The following EVL variants were observed in gnomAD, a reference collection of about 807,000 sequenced individuals.
EVL encodes ena/VASP-like protein.
Under a neutral mutation model 59.6 loss-of-function variants are expected in EVL, and 21 were observed. The observed-to-expected ratio is 0.35, with a 90% CI of 0.25 to 0.51. EVL has a LOEUF of 0.51. Among genes scored for constraint, EVL ranks in the 20% least tolerant of loss-of-function variants. The pLI is 0.97. For missense variants in EVL, 462 were observed against 546.6 expected, an observed-to-expected ratio of 0.85 and a Z score of 1.54; for synonymous variants, 198 against 203.5, an observed-to-expected ratio of 0.97 and a Z score of 0.23.
intron 1 of EVL, among the ~76,000 whole-genome samples, chr14:100,049,398 C>A (rs1316926148): frequency 6.6e-6 from 1 of 152,078 alleles, no homozygotes; most frequent in Non-Finnish European, 1.5e-5. Context: ...TCTAGGGAGG[C>A]CTTTTTTGTC....
At chr14:100,047,080 G>A (rs1480977884) in intron 1 of EVL, among the ~76,000 whole-genome samples, 1 of 135,646 alleles carries the variant, frequency 7.4e-6, no homozygotes, top group Non-Finnish European at 1.5e-5. Flanking sequence ...ACTCAGTTTT[G>A]CAGCCAATAT....
At chr14:100,051,284 C>T (rs928073558) in intron 1 of EVL, among the ~76,000 whole-genome samples, 9 of 152,202 alleles carry the variant, frequency 5.9e-5, no homozygotes, top group Non-Finnish European at 1.2e-4. Context: ...ATGCTGTCCA[C>T]GCTACCTGCT....
At chr14:100,131,559 C>G (rs1888437129) in intron 7 of EVL, among the ~76,000 whole-genome samples, 1 of 152,234 alleles carries the variant, frequency 6.6e-6, no homozygotes, top group African/African-American at 2.4e-5. Context: ...TTCAGCAGCA[C>G]TTTCACAGAC....
intron 1 of EVL, among the ~76,000 whole-genome samples, chr14:100,027,989 G>A (rs2061243010): frequency 6.6e-6 from 1 of 152,056 alleles, no homozygotes; most frequent in Admixed American, 6.6e-5. Context: ...TTCCTATCTG[G>A]ACCGTTGTGA....
intron 3 of EVL, among the ~76,000 whole-genome samples, chr14:100,110,204 T>A (rs1886872737): frequency 6.6e-6 from 1 of 152,140 alleles, no homozygotes; most frequent in Admixed American, 6.5e-5. Context: ...AAGACCCTTG[T>A]CTCTACAAAA....
chr14:100,112,468 C>T (rs777332651), intron 3 of EVL, among the ~76,000 whole-genome samples: 31 of 152,218 alleles, frequency 2.0e-4, no homozygotes, highest in Non-Finnish European at 4.0e-4. Flanking sequence ...AGGCTTAACT[C>T]AGAATATAGT....
chr14:100,067,703 C>T (rs888042915), intron 1 of EVL, among the ~76,000 whole-genome samples: 6 of 152,192 alleles, frequency 3.9e-5, no homozygotes, highest in African/African-American at 1.4e-4. Context: ...ACCTGTGCCT[C>T]CTGACCACAG....
At chr14:100,037,159 G>T (rs2061400816) in intron 1 of EVL, among the ~76,000 whole-genome samples, 1 of 152,152 alleles carries the variant, frequency 6.6e-6, no homozygotes. Context: ...ACTAAGATAG[G>T]TTTTTCTTTC....
At chr14:99,973,783 C>G (rs530824331) in intron 1 of EVL, among the ~76,000 whole-genome samples, 2 of 152,158 alleles carry the variant, frequency 1.3e-5, no homozygotes, top group African/African-American at 4.8e-5. Flanking sequence ...TATTAGAAAG[C>G]TTACATGTGT....
At chr14:100,089,645 G>T (rs1176387388) in intron 2 of EVL, among the ~76,000 whole-genome samples, 2 of 152,220 alleles carry the variant, frequency 1.3e-5, no homozygotes, top group Non-Finnish European at 2.9e-5. Context: ...TATGAGCCAG[G>T]CGCAGTGGCT....
At chr14:100,061,203 CAACA>C (rs2061822694), upstream of EVL, among the ~76,000 whole-genome samples, 1 of 151,648 alleles carries the variant, frequency 6.6e-6, no homozygotes, top group Non-Finnish European at 1.5e-5. Flanking sequence ...CCAGCCAGGG[CAACA>C]TGTTGAAACC....
intron 9 of EVL, 49 bp from the exon 10 acceptor site, chr14:100,137,518 TGGGGTGGCTAC>T: frequency 1.3e-6 from 2 of 1,559,840 alleles, no homozygotes; most frequent in Non-Finnish European, 8.8e-7. Context: ...TTTAGGGGAT[TGGGGTGGCTAC>T]TGAGTCCCTT....
At chr14:99,997,364 G>A (rs988142177) in intron 1 of EVL, among the ~76,000 whole-genome samples, 1 of 152,248 alleles carries the variant, frequency 6.6e-6, no homozygotes, top group African/African-American at 2.4e-5. Context: ...CTGAAGGGCA[G>A]GGAGGCAACC....
chr14:99,992,907 C>T (rs2060884797), intron 1 of EVL, among the ~76,000 whole-genome samples: 1 of 152,022 alleles, frequency 6.6e-6, no homozygotes, highest in African/African-American at 2.4e-5. Flanking sequence ...GTTTTGTTAT[C>T]ATGAAAGGGT....
At chr14:100,005,541 CAG>C (rs1467489890) in intron 1 of EVL, among the ~76,000 whole-genome samples, 1 of 150,306 alleles carries the variant, frequency 6.7e-6, no homozygotes, top group Non-Finnish European at 1.5e-5. Context: ...ATGAAGAAAA[CAG>C]AATTCAATCA....
intron 1 of EVL, among the ~76,000 whole-genome samples, chr14:100,016,597 AAAC>A (rs1055074281): frequency 1.9e-4 from 29 of 152,188 alleles, no homozygotes; most frequent in Non-Finnish European, 3.2e-4. Flanking sequence ...AAACAAACAA[AAAC>A]AACAACAACA....
rs769943517 is a variant in EVL at position 100,097,637 on chromosome 14, A to G, written c.337A>G (p.Ile113Val). ...FSNAMLFALN[I>V]MNSQEGGPSS... ...CAATGCAATGCTGTTTGCCCTGAACATCATGAATTCCCAAGAAGGAGGTAA... is the reference window on the plus strand; with the variant it reads ...CAATGCAATGCTGTTTGCCCTGAACGTCATGAATTCCCAAGAAGGAGGTAA... Residue 113 changes from isoleucine (I) to valine (V), a missense_variant, in exon 3 of 14, where the codon ATC becomes GTC. By Grantham distance (29) the Ile-to-Val change is conservative. Transcript: ENST00000392920. 5.6e-6 allele frequency: 9 copies of G among 1,611,820 alleles called. No individual in the cohort carries two copies. In the Admixed American group the frequency reaches 8.4e-5, roughly 15 times the overall value.
Position 100,137,607 on chromosome 14 carries a change from A to G in EVL, c.994A>G (p.Asn332Asp), listed in dbSNP as rs1235847794. 1 of 1,614,016 alleles carries G rather than the reference A, an allele frequency of 6.2e-7. No homozygotes were observed. Residue 332 changes from asparagine to aspartate, a missense_variant, in exon 10 of 14, where the codon AAC becomes GAC. Coordinates refer to ENST00000392920, the MANE Select transcript of EVL (RefSeq NM_016337.3). ...EAGRKPWERS[N>D]SVEKPVSSIL... is the part of the protein sequence containing the mutation. Reference sequence around the variant, plus strand: ...TGGCCGGAAGCCCTGGGAGCGGAGCAACTCGGTGGAGAAGCCTGTGTCCTC... The same window carrying G: ...TGGCCGGAAGCCCTGGGAGCGGAGCGACTCGGTGGAGAAGCCTGTGTCCTC...
At chr14:100,120,038 G>T (rs986865670) in intron 3 of EVL, among the ~76,000 whole-genome samples, 1 of 152,206 alleles carries the variant, frequency 6.6e-6, no homozygotes, top group African/African-American at 2.4e-5. Context: ...GAAACTCACA[G>T]CCCTGAGAAA....
Sources: gnomAD v4.1 joint callset for allele counts (sites outside exome capture counted in the v4.1 genomes callset) on GRCh38, gnomAD v4.1.1 for gene constraint, MANE v1.5 for transcripts, NCBI Gene and HGNC (gene_info 2026-07-23, HGNC 2026-07-21) for gene names.